PRKG1: variants seen among roughly 807,000 people sequenced by gnomAD.
PRKG1 encodes protein kinase cGMP-dependent 1.
Under a neutral mutation model 88.1 loss-of-function variants are expected in PRKG1, and 35 were observed. The observed-to-expected ratio is 0.40, with a 90% CI of 0.30 to 0.53. The LOEUF (loss-of-function observed/expected upper bound fraction) is 0.53, where lower values mean the gene tolerates loss of function less well. Ranked by LOEUF, PRKG1 falls within the 20% of genes least tolerant of loss-of-function variation. PRKG1 has a pLI of 0.59. For synonymous variants in PRKG1, 303 were observed against 292.5 expected, an observed-to-expected ratio of 1.04 and a Z score of -0.37; for missense variants, 540 against 839.8, an observed-to-expected ratio of 0.64 and a Z score of 4.41.
intron 3 of PRKG1, among the ~76,000 whole-genome samples, chr10:51,651,449 T>C (rs995424576): frequency 6.6e-6 from 1 of 152,040 alleles, no homozygotes; most frequent in Non-Finnish European, 1.5e-5. Flanking sequence ...AAATGTCACT[T>C]CCTCTAGGAA....
intron 2 of PRKG1, among the ~76,000 whole-genome samples, chr10:51,269,921 T>G (rs1413859332): frequency 1.3e-5 from 2 of 152,226 alleles, no homozygotes; most frequent in Non-Finnish European, 2.9e-5. Flanking sequence ...TATTGTTAGA[T>G]ACAACATTTT....
intron 4 of PRKG1, among the ~76,000 whole-genome samples, chr10:51,841,455 T>C (rs374158463): frequency 1.2e-3 from 188 of 152,324 alleles, no homozygotes; most frequent in Middle Eastern, 0.01. Context: ...GCACATAGCC[T>C]GGACTTGTGG....
chr10:51,546,813 A>T (rs1302686121), intron 3 of PRKG1, among the ~76,000 whole-genome samples: 1 of 152,120 alleles, frequency 6.6e-6, no homozygotes, highest in African/African-American at 2.4e-5. Flanking sequence ...CTTCATGGGC[A>T]TCCCCACACA....
In PRKG1 at chr10:51,366,636, C is replaced by G. The variant is rs548784031; in HGVS notation, c.479-101087C>G. On this transcript the variant is annotated intron_variant, in intron 2 of 17. Coordinates refer to ENST00000373980, the MANE Select transcript of PRKG1 (RefSeq NM_006258.4). ...TAAACAAACTGGAGGTCCTTCTTGG[C>G]CTTCAAATTCATAGAACTAAGACAC... Among the ~76,000 whole-genome samples, 4 of 151,970 alleles carry G rather than the reference C, an allele frequency of 2.6e-5. No homozygotes were observed. In the East Asian group the frequency reaches 7.8e-4, roughly 29 times the overall value.
At chr10:51,652,628 T>C (rs1410478397) in intron 3 of PRKG1, among the ~76,000 whole-genome samples, 2 of 152,176 alleles carry the variant, frequency 1.3e-5, no homozygotes, top group Admixed American at 6.5e-5. Flanking sequence ...AATTGACAAA[T>C]AATTGTATAT....
intron 1 of PRKG1, among the ~76,000 whole-genome samples, chr10:51,076,720 G>A (rs1380854730): frequency 6.6e-6 from 1 of 152,144 alleles, no homozygotes; most frequent in Non-Finnish European, 1.5e-5. Context: ...ATGACTTGTA[G>A]AATATCTAGA....
At chr10:51,477,813 G>A (rs1266154046) in intron 3 of PRKG1, among the ~76,000 whole-genome samples, 2 of 151,856 alleles carry the variant, frequency 1.3e-5, no homozygotes, top group East Asian at 1.9e-4. Flanking sequence ...AAAGGGCCAC[G>A]ATCCAGAGAC....
intron 7 of PRKG1, among the ~76,000 whole-genome samples, chr10:52,094,898 T>A (rs1353485084): frequency 3.9e-5 from 6 of 152,204 alleles, no homozygotes. Context: ...ACCTATGAAT[T>A]TGAGAGGTCA....
At chr10:52,291,835 T>A (rs1037824412) in intron 17 of PRKG1, among the ~76,000 whole-genome samples, 16 of 151,932 alleles carry the variant, frequency 1.1e-4, no homozygotes, top group African/African-American at 3.9e-4. Flanking sequence ...CACACTGACT[T>A]CCACAATGGT....
intron 3 of PRKG1, among the ~76,000 whole-genome samples, chr10:51,679,896 CCA>C (rs1378730201): frequency 3.0e-5 from 4 of 132,852 alleles, no homozygotes; most frequent in African/African-American, 1.1e-4. Context: ...ACCACAGTCC[CCA>C]GAGTGTGATA....
At chr10:51,097,823 CTTCCCGAG>C (rs1184333483) in intron 1 of PRKG1, among the ~76,000 whole-genome samples, 4 of 152,116 alleles carry the variant, frequency 2.6e-5, no homozygotes, top group South Asian at 2.1e-4. Flanking sequence ...CCATTTTCTT[CTTCCCGAG>C]AGATTTTTAT....
chr10:51,092,715 TG>T (rs1844428110), intron 1 of PRKG1, among the ~76,000 whole-genome samples: 1 of 148,606 alleles, frequency 6.7e-6, no homozygotes, highest in Admixed American at 6.6e-5. Flanking sequence ...GAAGTTTCAG[TG>T]TGAGAGAATA....
At chr10:51,398,831 G>A (rs1388938831) in intron 2 of PRKG1, among the ~76,000 whole-genome samples, 1 of 152,174 alleles carries the variant, frequency 6.6e-6, no homozygotes, top group East Asian at 1.9e-4. Flanking sequence ...GCCAGTAAGA[G>A]GGATTTCCTT....
intron 3 of PRKG1, among the ~76,000 whole-genome samples, chr10:51,660,435 C>T (rs1840270530): frequency 6.6e-6 from 1 of 150,416 alleles, no homozygotes; most frequent in Non-Finnish European, 1.5e-5. Flanking sequence ...GTTTAGATTG[C>T]TTTTGGGCAG....
chr10:51,131,992 AT>A (rs1053086182), intron 1 of PRKG1, among the ~76,000 whole-genome samples: 4 of 152,060 alleles, frequency 2.6e-5, no homozygotes, highest in Non-Finnish European at 4.4e-5. Flanking sequence ...CAATAAATAG[AT>A]TTTTTTACAA....
rs1208320316 is a variant in PRKG1, at chr10:52,223,196, C to A, written c.1077-28374C>A. On this transcript the variant is annotated intron_variant, in intron 9 of 17. Transcript: ENST00000373980. ...TCTTTGTTCCCATTTAAGAAAATTT[C>A]TTGAAATACATATAAACATAGCATT... is the stretch of plus-strand genomic sequence containing the variant. 3.9e-5 allele frequency among the ~76,000 whole-genome samples: 6 copies of A among 152,270 alleles called. No individual in the cohort carries two copies. In the South Asian group the frequency reaches 1.0e-3, roughly 26 times the overall value.
intron 1 of PRKG1, among the ~76,000 whole-genome samples, chr10:51,006,891 C>T (rs1353804457): frequency 6.6e-6 from 1 of 151,826 alleles, no homozygotes; most frequent in African/African-American, 2.4e-5. Flanking sequence ...GGGGAATCTC[C>T]TTCAATGCAG....
In PRKG1 at chr10:51,423,257, G is replaced by A. The variant is rs977830441; in HGVS notation, c.479-44466G>A. ...TCCTAGCCTGACCTGCAGTAGTTACGCAATCTCTTTCTCTTAATAATGACT... is the reference window on the plus strand; with the variant it reads ...TCCTAGCCTGACCTGCAGTAGTTACACAATCTCTTTCTCTTAATAATGACT... On this transcript the variant is annotated intron_variant, in intron 2 of 17. Transcript: ENST00000373980. Among the ~76,000 whole-genome samples the A allele has an allele frequency of 8.5e-5, 13 of 152,058 alleles. No homozygotes were observed. The East Asian group carries it at 1.5e-3, about 18-fold the overall frequency.
intron 10 of PRKG1, among the ~76,000 whole-genome samples, chr10:52,261,953 CA>C (rs1386420132): frequency 6.6e-6 from 1 of 152,020 alleles, no homozygotes; most frequent in Admixed American, 6.6e-5. Context: ...AACAAGTGGG[CA>C]CTTTAGTTGG....
Sources: allele counts gnomAD v4.1 joint callset (sites outside exome capture counted in the v4.1 genomes callset), GRCh38; gene constraint gnomAD v4.1.1; transcripts MANE v1.5; gene names NCBI Gene and HGNC (gene_info 2026-07-23, HGNC 2026-07-21).